Variants in ZHX1 observed in about 807,000 individuals in gnomAD.
The protein encoded by ZHX1 is zinc fingers and homeoboxes protein 1.
ZHX1 carries 20 observed loss-of-function variants against 61.8 expected under a neutral mutation model. That is an observed-to-expected ratio of 0.32 (90% CI 0.23 to 0.47). ZHX1 has a LOEUF of 0.47. ZHX1 is among the 20% of genes least tolerant of loss of function. The probability of loss-of-function intolerance (pLI) is 1.00; values close to 1 mark genes in which losing one functional copy is unlikely to be tolerated. For synonymous variants in ZHX1, 318 were observed against 352.6 expected (o/e 0.90, Z 1.10); for missense variants, 800 against 1,034.8 (o/e 0.77, Z 3.11).
intron 3 of ZHX1, 69 bp downstream of exon 3, chr8:123,253,253 A>G (rs1045340113): frequency 1.9e-5 from 25 of 1,314,998 alleles, no homozygotes; most frequent in Non-Finnish European, 2.5e-5. Flanking sequence ...GACTGATACA[A>G]CAAGGTGACT....
chr8:123,255,050 T>C lies in ZHX1; in HGVS notation c.897A>G (p.Leu299=), dbSNP rs1396468073. Residue 299 remains leucine (L), a synonymous_variant, in exon 3 of 4, where the codon TTA becomes TTG. Transcript: ENST00000395571. ...AAGGGAACTTGTTGTAGGTGTTAAG[T>C]AAAAGGGGATTGTTATCCAATGCAG... is the stretch of plus-strand genomic sequence containing the variant. ...YNAALDNNPL[L]LNTYNKFPYP... 1 of 1,614,100 alleles carries C rather than the reference T, an allele frequency of 6.2e-7. No individual in the cohort carries two copies.
At position 123,259,781 on chromosome 8, in the gene ZHX1, G is replaced by C. The variant is rs538362873; in HGVS notation, c.-225-3610C>G. ...TTTCTGAAACTTTTTCCTCAAAGTG[G>C]TGGTTTTCAAACTTTTTGTTTTAAG... is the stretch of plus-strand genomic sequence containing the variant. On this transcript the variant is annotated intron_variant, in intron 2 of 3. Transcript: ENST00000395571. 3.3e-5 allele frequency among the ~76,000 whole-genome samples: 5 copies of C among 152,326 alleles called. No individual in the cohort carries two copies. The East Asian group carries it at 7.7e-4, about 23-fold the overall frequency.
rs1460301892 is a variant in ZHX1 at position 123,253,653 on chromosome 8, C to T, written c.2294G>A (p.Arg765Lys). 10 of 1,614,204 alleles carry T rather than the reference C, an allele frequency of 6.2e-6. No individual in the cohort carries two copies. The highest frequency in any genetic ancestry group is 8.5e-6 in the Non-Finnish European group (10 of 1,180,012). ...RPRGRPRGSK[R>K]INNWDRGPSL... is the part of the protein sequence containing the mutation. Reference sequence around the variant, plus strand: ...TGGTCCCCTGTCCCAGTTGTTAATTCTTTTGCTTCCTCTAGGCCGCCCACG... The same window carrying T: ...TGGTCCCCTGTCCCAGTTGTTAATTTTTTTGCTTCCTCTAGGCCGCCCACG... Residue 765 changes from arginine to lysine, a missense_variant, in exon 3 of 4, where the codon AGA becomes AAA. Coordinates refer to ENST00000395571, the MANE Select transcript of ZHX1 (RefSeq NM_007222.5).
rs1826046710 is a variant in ZHX1, at chr8:123,255,570, G to A, written c.377C>T (p.Pro126Leu). 6.2e-7 allele frequency: 1 copy of A among 1,612,968 alleles called. No individual in the cohort carries two copies. The highest frequency in any genetic ancestry group is 1.7e-4 in the Middle Eastern group (1 of 6,056). ...AGTCAACTTAAAATTCTCTTCTCCT[G>A]GGTGATATTTCAGATTATGCTCAGA... ...ALSEHNLKYH[P>L]GEENFKLTMV... Residue 126 changes from proline (P) to leucine (L), a missense_variant, in exon 3 of 4, where the codon CCA becomes CTA. Physicochemically the swap from Pro to Leu is moderately conservative, Grantham distance 98. Coordinates refer to ENST00000395571, the MANE Select transcript of ZHX1 (RefSeq NM_007222.5).
rs1241777357 is a variant in ZHX1, at chr8:123,270,780, C to G, written c.-339-3394G>C. ...CAGCCTGGGCCACAGAATGAGACCC[C>G]GTCTCAAAAAAAAAAAAAAAAAAAT... On this transcript the variant is annotated intron_variant, in intron 1 of 3. Coordinates refer to ENST00000395571, the MANE Select transcript of ZHX1 (RefSeq NM_007222.5). Among the ~76,000 whole-genome samples the G allele has an allele frequency of 2.1e-5, 3 of 143,008 alleles. No homozygotes were observed. The East Asian group carries it at 6.1e-4, about 29-fold the overall frequency. The allele number at this position is 143,008 out of a possible 152,430, so 93.8% of individuals were successfully genotyped here.
At chr8:123,256,403 A>G (rs1456640221) in intron 2 of ZHX1, among the ~76,000 whole-genome samples, 1 of 152,170 alleles carries the variant, frequency 6.6e-6, no homozygotes, top group Admixed American at 6.5e-5. Flanking sequence ...ATTCATTTAA[A>G]TTTTTTAGCC....
intron 2 of ZHX1, among the ~76,000 whole-genome samples, chr8:123,265,309 C>T (rs1436463550): frequency 6.6e-6 from 1 of 151,388 alleles, no homozygotes; most frequent in Admixed American, 6.6e-5. Context: ...ACTGAGAATC[C>T]CTTGGAATCT....
Position 123,255,701 on chromosome 8 carries a change from T to C in ZHX1, c.246A>G (p.Leu82=), listed in dbSNP as rs1212437258. Residue 82 remains leucine (L), a synonymous_variant, in exon 3 of 4, where the codon CTA becomes CTG. Transcript: ENST00000395571. ...AATCCACATGAAAAGTAAACATATT[T>C]AGATCTGGAGTTTGAAAAGTACAAT... ...CKYCTFQTPD[L]NMFTFHVDSE... 4 of 1,613,754 alleles carry C rather than the reference T, an allele frequency of 2.5e-6. No individual in the cohort carries two copies. The highest frequency in any genetic ancestry group is 1.7e-5 in the Admixed American group (1 of 59,994).
At position 123,255,083 on chromosome 8, in the gene ZHX1, G is replaced by T; in HGVS notation, c.864C>A (p.Thr288=). ...KVLIPVNSIP[T]YNAALDNNPL... ...GATTGTTATCCAATGCAGCATTGTA[G>T]GTGGGAATGCTATTAACAGGGATTA... Residue 288 remains threonine (T), a synonymous_variant, in exon 3 of 4, where the codon ACC becomes ACA. Transcript: ENST00000395571. 3 of 1,614,132 alleles carry T rather than the reference G, an allele frequency of 1.9e-6. No individual in the cohort carries two copies. The South Asian group carries it at 3.3e-5, about 18-fold the overall frequency.
rs780453437 is a variant in ZHX1 at position 123,254,022 on chromosome 8, T to G, written c.1925A>C (p.Glu642Ala). ...IDESNAGSSK[E>A]EAGETSPADE... ...TGCAGGAGAAGTTTCTCCAGCTTCT[T>G]CTTTGGAACTACCTGCATTACTTTC... The change falls in exon 3 of 4, where the codon GAA (glutamate) becomes GCA (alanine). Residue 642 changes from glutamate to alanine, a missense_variant. Coordinates refer to ENST00000395571, the MANE Select transcript of ZHX1 (RefSeq NM_007222.5). This position sits in a 1 kb window ranked among gnomAD's most constrained non-coding sequence, Gnocchi z 4.1. The G allele has an allele frequency of 1.2e-6, 2 of 1,614,162 alleles. No individual in the cohort carries two copies. Among genetic ancestry groups the G allele is most frequent in the Admixed American group, 1.7e-5 (1 of 60,020 alleles).
chr8:123,250,424 CTT>C lies in ZHX1; in HGVS notation c.*4-106_*4-105del, dbSNP rs1394720178. 13 of 340,814 alleles carry C rather than the reference CTT, an allele frequency of 3.8e-5. No homozygotes were observed. In the East Asian group the frequency reaches 7.1e-4, roughly 19 times the overall value. 21.1% of individuals were successfully genotyped at this position (340,814 alleles called of 1,614,324 possible). A position where few individuals can be genotyped will look rare whatever the true frequency, so the allele number is the denominator to read the frequency against. ...AGTGAAAATACATCTTTTGTATTCT[CTT>C]GAGATTACCTGCCACATATGTCTTC... On this transcript the variant is annotated intron_variant, in intron 3 of 3. Coordinates refer to ENST00000395571, the MANE Select transcript of ZHX1 (RefSeq NM_007222.5).
intron 2 of ZHX1, among the ~76,000 whole-genome samples, chr8:123,258,900 C>T (rs1826160745): frequency 6.6e-6 from 1 of 152,144 alleles, no homozygotes; most frequent in South Asian, 2.1e-4. Context: ...ATTTATTCTT[C>T]ACCACAAATT....
At chr8:123,271,836 T>C (rs1433298197) in intron 1 of ZHX1, among the ~76,000 whole-genome samples, 1 of 152,114 alleles carries the variant, frequency 6.6e-6, no homozygotes, top group Non-Finnish European at 1.5e-5. Flanking sequence ...TGCTACATCA[T>C]GCATGAACTA....
At position 123,255,961 on chromosome 8, in the gene ZHX1, GA is replaced by G; in HGVS notation, c.-16del. The G allele has an allele frequency of 6.3e-7, 1 of 1,591,354 alleles. No individual in the cohort carries two copies. The highest frequency in any genetic ancestry group is 8.6e-7 in the Non-Finnish European group (1 of 1,167,890). ...CTGCTTGCCATTCTGATGTTATGAG[GA>G]AAAGCTCAGTGGTGATTAAAAAGCA... On this transcript the variant is annotated 5_prime_UTR_variant, in exon 3 of 4. Coordinates refer to ENST00000395571, the MANE Select transcript of ZHX1 (RefSeq NM_007222.5).
chr8:123,254,797 T>C lies in ZHX1; in HGVS notation c.1150A>G (p.Ile384Val), dbSNP rs750258115. ...CCAACTATTTGGCATGTCTGTAAAA[T>C]AGATGGTAAACCATTACTCCCTGTG... ...ISTGSNGLPS[I>V]LQTCQIVGQP... The change falls in exon 3 of 4, where the codon ATT becomes GTT. Residue 384 changes from isoleucine (I) to valine (V), a missense_variant. Coordinates refer to ENST00000395571, the MANE Select transcript of ZHX1 (RefSeq NM_007222.5). This position sits in a 1 kb window ranked among gnomAD's most constrained non-coding sequence, Gnocchi z 4.1. 6.2e-7 allele frequency: 1 copy of C among 1,614,104 alleles called. No individual in the cohort carries two copies. The highest frequency in any genetic ancestry group is 1.3e-5 in the African/African-American group (1 of 74,952).
In ZHX1 at chr8:123,248,646, AAC is replaced by A. The variant is rs1825836483; in HGVS notation, c.*1676_*1677del. On this transcript the variant is annotated 3_prime_UTR_variant, in exon 4 of 4. Transcript: ENST00000395571. ...CACAGAGTTAACATATTGCAAGGGA[AAC>A]AACTATATTCAAAGGCTTCATTTCT... 1 of 152,590 alleles carries A rather than the reference AAC, an allele frequency of 6.6e-6. No homozygotes were observed. The highest frequency in any genetic ancestry group is 1.5e-5 in the Non-Finnish European group (1 of 68,022). The allele number at this position is 152,590 out of a possible 1,614,324, so 9.5% of individuals were successfully genotyped here.
Position 123,253,534 on chromosome 8 carries a change from TAAC to T in ZHX1, c.2410_2412del (p.Val804del). 6.2e-7 allele frequency: 1 copy of T among 1,614,220 alleles called. No homozygotes were observed. Among genetic ancestry groups the T allele is most frequent in the Non-Finnish European group, 8.5e-7 (1 of 1,180,034 alleles). On this transcript the variant is annotated inframe_deletion, in exon 3 of 4. Coordinates refer to ENST00000395571, the MANE Select transcript of ZHX1 (RefSeq NM_007222.5). The stretch of plus-strand genomic sequence containing the variant: ...TGCTCATAGCCCATATGTGATTTGT[TAAC>T]AAGTTCATCAAGGTCTTGCTCATTA...
In ZHX1 at chr8:123,253,383, C is replaced by T; in HGVS notation, c.2564G>A (p.Ser855Asn). Residue 855 changes from serine (S) to asparagine (N), a missense_variant, in exon 3 of 4, where the codon AGT becomes AAT. By Grantham distance (46) the Ser-to-Asn change is conservative. Transcript: ENST00000395571. ...ATGTCGTGGAGGTTCCCAAGTGTCA[C>T]TATCATCTGTTTCTTCTTCATCCTC... ...QEEDEEETDD[S>N]DTWEPPRHVK... The T allele has an allele frequency of 6.2e-7, 1 of 1,613,698 alleles. No homozygotes were observed. Among genetic ancestry groups the T allele is most frequent in the Non-Finnish European group, 8.5e-7 (1 of 1,179,956 alleles).
Position 123,254,079 on chromosome 8 carries a change from T to C in ZHX1, c.1868A>G (p.Lys623Arg). The change falls in exon 3 of 4, where the codon AAA becomes AGA. Residue 623 changes from lysine to arginine, a missense_variant. Transcript: ENST00000395571. The surrounding 1 kb of genome is among the most constrained non-coding windows in gnomAD (Gnocchi z 4.1). ...TTCCATTTTCTCTTCCTTTAAAGCT[T>C]TTGATTTCTTCTTCTCTGTAAACCA... ...DAWFTEKKKS[K>R]ALKEEKMEID... 1 of 1,614,124 alleles carries C rather than the reference T, an allele frequency of 6.2e-7. No individual in the cohort carries two copies. Among genetic ancestry groups the C allele is most frequent in the Non-Finnish European group, 8.5e-7 (1 of 1,180,030 alleles).
Sources: gnomAD v4.1 joint callset for allele counts (sites outside exome capture counted in the v4.1 genomes callset) on GRCh38, gnomAD v4.1.1 for gene constraint, Gnocchi (gnomAD v3.1) non-coding constraint, MANE v1.5 for transcripts, NCBI Gene and HGNC (gene_info 2026-07-23, HGNC 2026-07-21) for gene names.